The following DSCAM variants were observed in gnomAD, a reference collection of about 807,000 sequenced individuals.
DSCAM encodes DS cell adhesion molecule.
A neutral mutation model predicts 217.7 loss-of-function variants in DSCAM; 47 were observed. The observed-to-expected ratio is 0.22, with a 90% CI of 0.17 to 0.28. The LOEUF is 0.28. DSCAM is among the 10% of genes least tolerant of loss of function. The pLI is 1.00. For synonymous variants in DSCAM, 1,056 were observed against 1,015.3 expected (o/e 1.04, Z -0.76); for missense variants, 2,080 against 2,618.3 (o/e 0.79, Z 4.49).
chr21:40,118,157 A>G (rs933975524), intron 20 of DSCAM, among the ~76,000 whole-genome samples: 7 of 152,222 alleles, frequency 4.6e-5, no homozygotes, highest in African/African-American at 1.7e-4. Flanking sequence ...ATAAATTTGC[A>G]CTAGGAAATA....
At chr21:40,782,583 G>T (rs1442402445) in intron 1 of DSCAM, among the ~76,000 whole-genome samples, 1 of 152,040 alleles carries the variant, frequency 6.6e-6, no homozygotes, top group Non-Finnish European at 1.5e-5. Flanking sequence ...CAAAAAATTA[G>T]CCAGGGCATG....
At chr21:40,560,076 A>T (rs1327687602) in intron 3 of DSCAM, among the ~76,000 whole-genome samples, 1 of 152,140 alleles carries the variant, frequency 6.6e-6, no homozygotes. Flanking sequence ...TATAGGCTTG[A>T]GCCACCATGC....
intron 1 of DSCAM, among the ~76,000 whole-genome samples, chr21:40,739,326 G>C (rs906395421): frequency 1.3e-5 from 2 of 152,182 alleles, no homozygotes; most frequent in African/African-American, 4.8e-5. Context: ...CCCCAGAGAG[G>C]CTGGTCCAGC....
chr21:40,608,080 A>C (rs1318541664), intron 3 of DSCAM, among the ~76,000 whole-genome samples: 1 of 152,188 alleles, frequency 6.6e-6, no homozygotes, highest in Middle Eastern at 3.2e-3. Context: ...CAAAAGACAG[A>C]ATTATCACCT....
intron 3 of DSCAM, among the ~76,000 whole-genome samples, chr21:40,679,713 T>G (rs569331484): frequency 1.1e-4 from 16 of 152,240 alleles, no homozygotes; most frequent in Non-Finnish European, 1.9e-4. Flanking sequence ...ATCATACTTT[T>G]GCTATTTAAG....
chr21:40,362,097 T>C (rs566992397), intron 4 of DSCAM, among the ~76,000 whole-genome samples: 143 of 152,286 alleles, frequency 9.4e-4, no homozygotes, highest in African/African-American at 3.2e-3. Context: ...ACAAAGGACA[T>C]GAACTCATCA....
intron 8 of DSCAM, among the ~76,000 whole-genome samples, chr21:40,316,523 C>G (rs75036328): frequency 6.6e-6 from 1 of 152,082 alleles, no homozygotes; most frequent in African/African-American, 2.4e-5. Context: ...AGCTGAACCT[C>G]CTATTTGAGA....
intron 6 of DSCAM, among the ~76,000 whole-genome samples, chr21:40,346,525 A>T (rs1446038279): frequency 6.6e-6 from 1 of 152,222 alleles, no homozygotes; most frequent in Non-Finnish European, 1.5e-5. Context: ...GATGAATTTT[A>T]AATTATATAT....
At chr21:40,046,966 G>A (rs1283129325) in intron 30 of DSCAM, among the ~76,000 whole-genome samples, 1 of 151,996 alleles carries the variant, frequency 6.6e-6, no homozygotes, top group Non-Finnish European at 1.5e-5. Context: ...AGTCGCACAT[G>A]CAGCCTTGAT....
intron 8 of DSCAM, among the ~76,000 whole-genome samples, chr21:40,336,182 C>T (rs2074428299): frequency 6.6e-6 from 1 of 152,132 alleles, no homozygotes; most frequent in South Asian, 2.1e-4. Context: ...GCTTGAGTTG[C>T]AAATTCGACC....
intron 11 of DSCAM, among the ~76,000 whole-genome samples, chr21:40,223,316 C>T (rs1212153478): frequency 6.6e-6 from 1 of 152,244 alleles, no homozygotes; most frequent in Non-Finnish European, 1.5e-5. Flanking sequence ...AGCCTGAGAG[C>T]CCCCATTCAA....
At chr21:40,326,293 T>C (rs2074316213) in intron 8 of DSCAM, among the ~76,000 whole-genome samples, 1 of 152,082 alleles carries the variant, frequency 6.6e-6, no homozygotes, top group African/African-American at 2.4e-5. Flanking sequence ...GGCTCAACAG[T>C]GGGACATGGG....
intron 3 of DSCAM, among the ~76,000 whole-genome samples, chr21:40,551,743 T>C (rs968635132): frequency 6.6e-6 from 1 of 152,224 alleles, no homozygotes; most frequent in African/African-American, 2.4e-5. Flanking sequence ...GAATTTGGTA[T>C]CTTATTGCTA....
chr21:40,207,627 G>A (rs2091140475), intron 11 of DSCAM, among the ~76,000 whole-genome samples: 1 of 152,274 alleles, frequency 6.6e-6, no homozygotes, highest in South Asian at 2.1e-4. Flanking sequence ...ACATCTATAA[G>A]TGGCATATTA....
intron 1 of DSCAM, among the ~76,000 whole-genome samples, chr21:40,839,989 G>A (rs1211949139): frequency 6.6e-6 from 1 of 151,768 alleles, no homozygotes; most frequent in Non-Finnish European, 1.5e-5. Context: ...TAATCCAGGG[G>A]GCTTCAAGAT....
At chr21:40,259,241 T>G (rs2073414197) in intron 11 of DSCAM, among the ~76,000 whole-genome samples, 1 of 150,830 alleles carries the variant, frequency 6.6e-6, no homozygotes, top group African/African-American at 2.4e-5. Context: ...AGTTCTCACC[T>G]CCCTCGAAGG....
intron 3 of DSCAM, among the ~76,000 whole-genome samples, chr21:40,398,631 T>G (rs2075203772): frequency 7.6e-6 from 1 of 131,566 alleles, no homozygotes; most frequent in Non-Finnish European, 1.7e-5. Flanking sequence ...CCTTTCTTTT[T>G]TCTTTCTTTT....
intron 3 of DSCAM, among the ~76,000 whole-genome samples, chr21:40,550,778 G>A (rs890551869): frequency 9.2e-5 from 14 of 152,150 alleles, no homozygotes; most frequent in Non-Finnish European, 1.8e-4. Flanking sequence ...AGTAACTGAG[G>A]GACTGTCACA....
Position 40,408,899 on chromosome 21 carries a change from C to A in DSCAM, c.509-39654G>T, listed in dbSNP as rs548628262. ...TTATTCTCTAATAGGTAGCAATCTCCAAATAGTCCATTTTTAGTATGTTAT... is the reference window on the plus strand; with the variant it reads ...TTATTCTCTAATAGGTAGCAATCTCAAAATAGTCCATTTTTAGTATGTTAT... On this transcript the variant is annotated intron_variant, in intron 3 of 32. Transcript: ENST00000400454. 6.6e-5 allele frequency among the ~76,000 whole-genome samples: 10 copies of A among 152,266 alleles called. 1 individual carries two copies. Among genetic ancestry groups the A allele is most frequent in the African/African-American group, 2.2e-4 (9 of 41,552 alleles).
Sources: allele counts gnomAD v4.1 joint callset (sites outside exome capture counted in the v4.1 genomes callset), GRCh38; gene constraint gnomAD v4.1.1; transcripts MANE v1.5; gene names NCBI Gene and HGNC (gene_info 2026-07-23, HGNC 2026-07-21).